CHSY3: variants seen among roughly 807,000 people sequenced by gnomAD.
CHSY3 encodes the protein N-acetylgalactosaminyl-proteoglycan 3-beta-glucuronosyltransferase 3.
In CHSY3, 35 loss-of-function variants were observed where a neutral mutation model predicts 67.2. That is an observed-to-expected ratio of 0.52 (90% CI 0.40 to 0.69). The LOEUF is 0.69. Among genes scored for constraint, CHSY3 ranks in the 30% least tolerant of loss-of-function variants. The pLI is 0.00. For synonymous variants in CHSY3, 474 were observed against 434.7 expected (o/e 1.09, Z -1.12); for missense variants, 1,069 against 1,138.5 (o/e 0.94, Z 0.88).
chr5:130,033,255 G>A (rs1764752049), intron 2 of CHSY3, among the ~76,000 whole-genome samples: 1 of 152,150 alleles, frequency 6.6e-6, no homozygotes, highest in Non-Finnish European at 1.5e-5. Context: ...ACAGTCTAGT[G>A]TAATCATCAT....
intron 2 of CHSY3, among the ~76,000 whole-genome samples, chr5:130,071,144 AC>A (rs1395115592): frequency 6.6e-5 from 10 of 151,958 alleles, no homozygotes; most frequent in Non-Finnish European, 1.3e-4. Context: ...GGAACCCAAC[AC>A]TCTCTCTATA....
intron 2 of CHSY3, among the ~76,000 whole-genome samples, chr5:129,939,766 T>C (rs978928739): frequency 2.0e-5 from 3 of 152,216 alleles, no homozygotes; most frequent in African/African-American, 7.2e-5. Flanking sequence ...AGCTTTTTCA[T>C]GCAGATCCTT....
intron 2 of CHSY3, among the ~76,000 whole-genome samples, chr5:130,000,426 A>G (rs1561491272): frequency 6.6e-6 from 1 of 152,210 alleles, no homozygotes; most frequent in Admixed American, 6.5e-5. Context: ...TATAAAAAAT[A>G]TCTACTTCAT....
chr5:129,930,933 G>A (rs1275837515), intron 2 of CHSY3, among the ~76,000 whole-genome samples: 1 of 152,148 alleles, frequency 6.6e-6, no homozygotes, highest in Non-Finnish European at 1.5e-5. Flanking sequence ...ACAGCTTTAT[G>A]CAAATTTGTG....
intron 2 of CHSY3, among the ~76,000 whole-genome samples, chr5:130,005,011 T>A (rs560790658): frequency 3.3e-4 from 50 of 152,166 alleles, no homozygotes; most frequent in Non-Finnish European, 5.1e-4. Context: ...AAGTATATCA[T>A]TTGAGGATCC....
At chr5:129,976,242 A>C (rs1292845945) in intron 2 of CHSY3, among the ~76,000 whole-genome samples, 2 of 152,140 alleles carry the variant, frequency 1.3e-5, no homozygotes, top group Non-Finnish European at 2.9e-5. Flanking sequence ...GTCTTTGATG[A>C]ACTGGAAGTT....
chr5:129,996,797 T>C (rs1343424940), intron 2 of CHSY3, among the ~76,000 whole-genome samples: 2 of 152,110 alleles, frequency 1.3e-5, no homozygotes, highest in East Asian at 3.9e-4. Flanking sequence ...TGCATTATTT[T>C]TGTTTCTTTA....
At chr5:130,035,791 A>C (rs1764844025) in intron 2 of CHSY3, among the ~76,000 whole-genome samples, 1 of 151,992 alleles carries the variant, frequency 6.6e-6, no homozygotes, top group African/African-American at 2.4e-5. Context: ...GTCCTATGAC[A>C]ATGAAATTTA....
intron 2 of CHSY3, among the ~76,000 whole-genome samples, chr5:130,022,861 C>A (rs1405579830): frequency 6.6e-6 from 1 of 151,836 alleles, no homozygotes; most frequent in Non-Finnish European, 1.5e-5. Context: ...TTTGTGTGTT[C>A]AGTTTTCTAA....
chr5:130,157,766 G>C (rs2149726676), intron 2 of CHSY3, among the ~76,000 whole-genome samples: 1 of 152,378 alleles, frequency 6.6e-6, no homozygotes, highest in African/African-American at 2.4e-5. Flanking sequence ...TAACTGAGCA[G>C]TGGCATGCGC....
At chr5:129,936,257 G>T (rs761180060) in intron 2 of CHSY3, among the ~76,000 whole-genome samples, 29 of 152,210 alleles carry the variant, frequency 1.9e-4, no homozygotes, top group Non-Finnish European at 2.9e-5. Flanking sequence ...TGCGTGGCAT[G>T]TTAGGATTCT....
chr5:129,935,662 C>A (rs1761464618), intron 2 of CHSY3, among the ~76,000 whole-genome samples: 1 of 152,156 alleles, frequency 6.6e-6, no homozygotes, highest in Non-Finnish European at 1.5e-5. Context: ...TGAGATGTGG[C>A]TACTCTTTGA....
At chr5:130,002,572 C>A (rs908098322) in intron 2 of CHSY3, among the ~76,000 whole-genome samples, 1 of 152,030 alleles carries the variant, frequency 6.6e-6, no homozygotes, top group Non-Finnish European at 1.5e-5. Flanking sequence ...AGTCATTTTT[C>A]AGGCAGTCCT....
At chr5:130,166,126 CTAAT>C (rs1164414075) in intron 2 of CHSY3, among the ~76,000 whole-genome samples, 1 of 152,122 alleles carries the variant, frequency 6.6e-6, no homozygotes, top group East Asian at 1.9e-4. Context: ...ATTGATTGTA[CTAAT>C]TATAGTTTTA....
intron 2 of CHSY3, among the ~76,000 whole-genome samples, chr5:129,953,720 C>A (rs1362593202): frequency 6.6e-6 from 1 of 151,898 alleles, no homozygotes; most frequent in Admixed American, 6.5e-5. Flanking sequence ...TTGCATTTCT[C>A]TAATGACCAG....
At chr5:130,076,872 T>C (rs985741082) in intron 2 of CHSY3, among the ~76,000 whole-genome samples, 3 of 148,638 alleles carry the variant, frequency 2.0e-5, no homozygotes, top group African/African-American at 7.5e-5. Flanking sequence ...CCGCATATTC[T>C]CACTCATAGG....
chr5:130,093,382 T>C (rs879451011), intron 2 of CHSY3, among the ~76,000 whole-genome samples: 14 of 152,300 alleles, frequency 9.2e-5, no homozygotes, highest in Non-Finnish European at 1.6e-4. Flanking sequence ...ACATTGAAGT[T>C]TTTTGGAATT....
chr5:130,092,989 G>T (rs1215947027), intron 2 of CHSY3, among the ~76,000 whole-genome samples: 1 of 152,084 alleles, frequency 6.6e-6, no homozygotes, highest in East Asian at 1.9e-4. Context: ...CTACCATCTG[G>T]GAGGCCTCAT....
At chr5:129,915,285 T>C (rs1760696760) in intron 2 of CHSY3, among the ~76,000 whole-genome samples, 1 of 152,140 alleles carries the variant, frequency 6.6e-6, no homozygotes, top group African/African-American at 2.4e-5. Flanking sequence ...CTAAGTAAAC[T>C]GAAAAATTGA....
Sources: allele counts gnomAD v4.1 joint callset (sites outside exome capture counted in the v4.1 genomes callset), GRCh38; gene constraint gnomAD v4.1.1; transcripts MANE v1.5; gene names NCBI Gene and HGNC (gene_info 2026-07-23, HGNC 2026-07-21).